The following C1QTNF1 variants were observed in gnomAD, a reference collection of about 807,000 sequenced individuals.
C1QTNF1 encodes the protein complement C1q tumor necrosis factor-related protein 1.
A neutral mutation model predicts 27.8 loss-of-function variants in C1QTNF1; 22 were observed. The ratio of observed to expected loss-of-function variants is 0.79; its 90% CI spans 0.56 to 1.13. The LOEUF (loss-of-function observed/expected upper bound fraction) is 1.13. C1QTNF1 is among the 50% of genes most tolerant of loss of function. The pLI, the probability that C1QTNF1 is intolerant of heterozygous loss-of-function variation, is 0.00. For missense variants in C1QTNF1, 373 were observed against 380.2 expected (o/e 0.98, Z 0.16); for synonymous variants, 166 against 154.3 (o/e 1.08, Z -0.56).
chr17:79,036,446 A>G (rs1639454241), intron 1 of C1QTNF1, among the ~76,000 whole-genome samples: 1 of 152,206 alleles, frequency 6.6e-6, no homozygotes, highest in South Asian at 2.1e-4. Context: ...AGGTGCTGAG[A>G]TTACAGACAT....
rs1568069221 is a variant in C1QTNF1 at position 79,043,490 on chromosome 17, C to T, written c.-14-465C>T. The stretch of plus-strand genomic sequence containing the variant: ...AGTGTGCATATGGGTGCGTGGATTG[C>T]ATGAGTGTGCATGTGATGTGGGTAT... On this transcript the variant is annotated intron_variant, in intron 1 of 3. Coordinates refer to ENST00000579760, the MANE Select transcript of C1QTNF1 (RefSeq NM_030968.5). 2.0e-5 allele frequency: 9 copies of T among 448,866 alleles called. 1 individual carries two copies. The highest frequency in any genetic ancestry group is 1.4e-4 in the South Asian group (9 of 64,020). The allele number at this position is 448,866 out of a possible 1,614,324, so 27.8% of individuals were successfully genotyped here.
chr17:79,047,662 G>A lies in C1QTNF1; in HGVS notation c.420G>A (p.Arg140=). The A allele has an allele frequency of 6.2e-7, 1 of 1,613,306 alleles. No individual in the cohort carries two copies. ...QKGSMGAPGE[R]CKSHYAAFSV... is the part of the protein sequence containing the mutation. Reference sequence around the variant, plus strand: ...GCTCCATGGGGGCCCCTGGGGAGCGGTGCAAGAGCCACTACGCCGCCTTTT... The same window carrying A: ...GCTCCATGGGGGCCCCTGGGGAGCGATGCAAGAGCCACTACGCCGCCTTTT... Residue 140 remains arginine (R), a synonymous_variant, in exon 4 of 4, where the codon CGG becomes CGA. Transcript: ENST00000579760.
At chr17:79,037,351 A>G (rs147155901) in intron 1 of C1QTNF1, among the ~76,000 whole-genome samples, 3,564 of 152,222 alleles carry the variant, frequency 0.023, 115 homozygotes, top group African/African-American at 0.081. Context: ...GATGGTCTCC[A>G]ATCTCCCGAC....
upstream of C1QTNF1, chr17:79,023,924 C>T (rs2071841955): frequency 6.6e-6 from 1 of 152,332 alleles, no homozygotes; most frequent in South Asian, 2.1e-4. Context: ...CTCAGCCTTG[C>T]TGGGCACCCC....
intron 1 of C1QTNF1, among the ~76,000 whole-genome samples, chr17:79,033,003 G>A (rs1300239100): frequency 1.3e-5 from 2 of 151,534 alleles, no homozygotes; most frequent in Admixed American, 6.6e-5. Flanking sequence ...AGGAGGCGGA[G>A]GTTGCAGCGA....
Position 79,030,971 on chromosome 17 carries a change from C to T in C1QTNF1, c.-15+6477C>T, listed in dbSNP as rs536509666. 2.0e-5 allele frequency among the ~76,000 whole-genome samples: 3 copies of T among 151,436 alleles called. No individual in the cohort carries two copies. The East Asian group carries it at 5.9e-4, about 30-fold the overall frequency. On this transcript the variant is annotated intron_variant, in intron 1 of 3. Transcript: ENST00000579760. Reference sequence around the variant, plus strand: ...GCCTAACTGGTGCTGCTGGCTGATTCTGCTCCCCAGTCCCTCCATATTATT... The same window carrying T: ...GCCTAACTGGTGCTGCTGGCTGATTTTGCTCCCCAGTCCCTCCATATTATT...
Position 79,048,002 on chromosome 17 carries a change from G to A in C1QTNF1, c.760G>A (p.Glu254Lys), listed in dbSNP as rs1232814957. Residue 254 changes from glutamate (E) to lysine (K), a missense_variant, in exon 4 of 4, where the codon GAA (glutamate) becomes AAA (lysine). By Grantham distance (56) the Glu-to-Lys change is moderately conservative (BLOSUM62 1). Coordinates refer to ENST00000579760, the MANE Select transcript of C1QTNF1 (RefSeq NM_030968.5). Reference sequence around the variant, plus strand: ...GGTGTGGGTACGCCTCTACAAGGGCGAACGTGAGAACGCCATCTTCAGCGA... The same window carrying A: ...GGTGTGGGTACGCCTCTACAAGGGCAAACGTGAGAACGCCATCTTCAGCGA... Reference protein sequence around the residue: ...DQVWVRLYKGERENAIFSEEL... With the variant: ...DQVWVRLYKGKRENAIFSEEL... 3 of 1,610,640 alleles carry A rather than the reference G, an allele frequency of 1.9e-6. No individual in the cohort carries two copies. The highest frequency in any genetic ancestry group is 1.3e-5 in the African/African-American group (1 of 75,016).
intron 1 of C1QTNF1, among the ~76,000 whole-genome samples, chr17:79,037,211 C>T (rs1382660126): frequency 1.3e-5 from 2 of 152,166 alleles, no homozygotes; most frequent in African/African-American, 4.8e-5. Context: ...CTTAGCACAA[C>T]CTCCGACTCC....
chr17:79,047,238 C>CTTTTTTTTT (rs372840829), intron 3 of C1QTNF1: 8 of 277,602 alleles, frequency 2.9e-5, no homozygotes, highest in African/African-American at 1.7e-4. Context: ...TTTTTCTTTT[C>CTTTTTTTTT]TTTTTTTTTT....
chr17:79,043,989 A>T lies in C1QTNF1; in HGVS notation c.21A>T (p.Gly7=). 1 of 1,613,104 alleles carries T rather than the reference A, an allele frequency of 6.2e-7. No homozygotes were observed. The highest frequency in any genetic ancestry group is 1.1e-5 in the South Asian group (1 of 91,038). MGSRGQ[G]LLLAYCLLLA... is the part of the protein sequence containing the mutation. ...GGAAGATGGGCTCCCGTGGACAGGG[A>T]CTCTTGCTGGCGTACTGCCTGCTCC... is the stretch of plus-strand genomic sequence containing the variant. Residue 7 remains glycine, a synonymous_variant, in exon 2 of 4, where the codon GGA becomes GGT. Coordinates refer to ENST00000579760, the MANE Select transcript of C1QTNF1 (RefSeq NM_030968.5).
intron 1 of C1QTNF1, chr17:79,041,882 G>A (rs758211217): frequency 1.3e-5 from 2 of 151,740 alleles, no homozygotes; most frequent in Non-Finnish European, 2.9e-5. Flanking sequence ...GTAAGACGTC[G>A]CGGTCATCTT....
intron 1 of C1QTNF1, chr17:79,043,421 GT>G: frequency 2.2e-6 from 1 of 452,908 alleles, no homozygotes; most frequent in African/African-American, 2.0e-5. Flanking sequence ...GTGTATGTGT[GT>G]TGACTGTGTG....
intron 1 of C1QTNF1, among the ~76,000 whole-genome samples, chr17:79,035,694 G>T (rs938424558): frequency 6.6e-6 from 1 of 152,196 alleles, no homozygotes; most frequent in Non-Finnish European, 1.5e-5. Context: ...GCCTCCCAAA[G>T]TGCTGGGATT....
At chr17:79,045,114 G>A (rs1243210613) in intron 2 of C1QTNF1, among the ~76,000 whole-genome samples, 3 of 152,192 alleles carry the variant, frequency 2.0e-5, no homozygotes, top group Non-Finnish European at 4.4e-5. Flanking sequence ...CCAGGAGAGG[G>A]AGGAGCGGGT....
intron 1 of C1QTNF1, among the ~76,000 whole-genome samples, chr17:79,033,263 G>A (rs2072183050): frequency 6.6e-6 from 1 of 152,068 alleles, no homozygotes; most frequent in African/African-American, 2.4e-5. Flanking sequence ...GCCGAGAACT[G>A]GATGTTTCAT....
chr17:79,043,100 G>C (rs898784768), intron 1 of C1QTNF1, among the ~76,000 whole-genome samples: 6 of 151,556 alleles, frequency 4.0e-5, no homozygotes. Flanking sequence ...GTGTGTGCAT[G>C]TGTGCATGGA....
intron 1 of C1QTNF1, among the ~76,000 whole-genome samples, chr17:79,039,783 A>ATGTGTG (rs35243048): frequency 0.018 from 2,703 of 151,138 alleles, 69 homozygotes; most frequent in African/African-American, 0.062. Flanking sequence ...TTAAATAAAT[A>ATGTGTG]TGTGTGTGTG....
rs1212408492 is a variant in C1QTNF1, at chr17:79,046,986, G to A, written c.295+292G>A. On this transcript the variant is annotated intron_variant, in intron 3 of 3. Transcript: ENST00000579760. This position sits in a 1 kb window ranked among gnomAD's most constrained non-coding sequence, Gnocchi z 4.8. ...TCCCTCCAGTTGTATGTGGACGCCA[G>A]GCTTCTAGGCCCTTTGCTTTGGGGC... is the stretch of plus-strand genomic sequence containing the variant. The A allele has an allele frequency of 4.8e-6, 2 of 414,914 alleles. No individual in the cohort carries two copies. Among genetic ancestry groups the A allele is most frequent in the African/African-American group, 4.0e-5 (2 of 50,266 alleles). 25.7% of individuals were successfully genotyped at this position (414,914 alleles called of 1,614,324 possible). A position where few individuals can be genotyped will look rare whatever the true frequency, so the allele number is the denominator to read the frequency against.
intron 1 of C1QTNF1, among the ~76,000 whole-genome samples, chr17:79,029,900 G>T (rs935757485): frequency 2.0e-5 from 3 of 152,158 alleles, no homozygotes; most frequent in Non-Finnish European, 4.4e-5. Context: ...ATCTTGTTCC[G>T]TTCGTCCCAA....
Sources: allele counts gnomAD v4.1 joint callset (sites outside exome capture counted in the v4.1 genomes callset), GRCh38; gene constraint gnomAD v4.1.1; non-coding constraint Gnocchi (gnomAD v3.1); transcripts MANE v1.5; gene names NCBI Gene and HGNC (gene_info 2026-07-23, HGNC 2026-07-21).